SEC22C: variants seen among roughly 807,000 people sequenced by gnomAD.
SEC22C encodes SEC22 homolog C, vesicle trafficking protein.
Under a neutral mutation model 34.7 loss-of-function variants are expected in SEC22C, and 29 were observed. The observed-to-expected ratio is 0.84, with a 90% CI of 0.62 to 1.14. The LOEUF is 1.14. Among genes scored for constraint, SEC22C ranks in the 50% most tolerant of loss-of-function variants. The probability of loss-of-function intolerance (pLI) is 0.00; values close to 1 mark genes in which losing one functional copy is unlikely to be tolerated. For synonymous variants in SEC22C, 117 were observed against 132.8 expected (o/e 0.88, Z 0.82); for missense variants, 337 against 369.0 (o/e 0.91, Z 0.71).
intron 4 of SEC22C, among the ~76,000 whole-genome samples, chr3:42,558,148 A>G (rs1702647768): frequency 6.6e-6 from 1 of 152,188 alleles, no homozygotes; most frequent in Non-Finnish European, 1.5e-5. Context: ...TCCAAAATAA[A>G]GAATTATCTG....
chr3:42,595,143 TATC>T (rs1429652352), intron 1 of SEC22C: 2 of 152,258 alleles, frequency 1.3e-5, no homozygotes, highest in South Asian at 2.1e-4. Flanking sequence ...TATTATCTAA[TATC>T]ATCTGATAAT....
At chr3:42,577,926 C>T (rs550490034) in intron 1 of SEC22C, among the ~76,000 whole-genome samples, 85 of 151,778 alleles carry the variant, frequency 5.6e-4, no homozygotes, top group African/African-American at 2.0e-3. Context: ...GCCAAGACTG[C>T]ACCATTGCAC....
chr3:42,565,939 A>G, intron 2 of SEC22C: 1 of 453,276 alleles, frequency 2.2e-6, no homozygotes, highest in South Asian at 1.6e-5. Flanking sequence ...TATTTAATTC[A>G]AAATTACAAA....
chr3:42,560,213 C>A (rs1354267863), intron 4 of SEC22C, among the ~76,000 whole-genome samples: 1 of 139,234 alleles, frequency 7.2e-6, no homozygotes, highest in Non-Finnish European at 1.5e-5. Flanking sequence ...ATATATAATA[C>A]CAATCTATAC....
intron 4 of SEC22C, among the ~76,000 whole-genome samples, chr3:42,560,093 G>A (rs1702785153): frequency 2.4e-5 from 3 of 125,592 alleles, no homozygotes; most frequent in African/African-American, 6.8e-5. Context: ...AAGATGATAA[G>A]GATTCTCTCT....
At chr3:42,574,636 A>G (rs1410729427) in intron 1 of SEC22C, among the ~76,000 whole-genome samples, 5 of 152,192 alleles carry the variant, frequency 3.3e-5, no homozygotes, top group African/African-American at 1.2e-4. Context: ...GGAACTATTT[A>G]AGACAATTAT....
chr3:42,556,728 G>GT (rs1702548362), intron 5 of SEC22C, among the ~76,000 whole-genome samples: 1 of 151,824 alleles, frequency 6.6e-6, no homozygotes, highest in African/African-American at 2.4e-5. Flanking sequence ...TTTTGTTTTT[G>GT]TTTTCTTTTT....
intron 1 of SEC22C, among the ~76,000 whole-genome samples, chr3:42,597,005 C>T (rs1351916545): frequency 6.6e-6 from 1 of 152,216 alleles, no homozygotes; most frequent in Admixed American, 6.5e-5. Flanking sequence ...CCATCCTTTC[C>T]TTTCATGAAT....
chr3:42,589,427 G>C (rs913098045), intron 1 of SEC22C, among the ~76,000 whole-genome samples: 1 of 152,170 alleles, frequency 6.6e-6, no homozygotes, highest in Non-Finnish European at 1.5e-5. Context: ...TTTTAGGAGT[G>C]TAGGTTCCCA....
chr3:42,549,456 C>A lies in SEC22C; in HGVS notation c.*3792G>T. The A allele has an allele frequency of 1.0e-6, 1 of 985,870 alleles. No homozygotes were observed. The highest frequency in any genetic ancestry group is 1.2e-6 in the Non-Finnish European group (1 of 830,296). The allele number at this position is 985,870 out of a possible 1,614,324, so 61.1% of individuals were successfully genotyped here. A position where few individuals can be genotyped will look rare whatever the true frequency, so the allele number is the denominator to read the frequency against. ...TGCTATCTTCCAGCAGAGAGAGAAC[C>A]CCCAGCTCTGCTCCCTACCTATGCC... On this transcript the variant is annotated 3_prime_UTR_variant, in exon 7 of 7. Coordinates refer to ENST00000264454, the MANE Select transcript of SEC22C (RefSeq NM_032970.4).
chr3:42,555,409 C>CA (rs1702475149), intron 6 of SEC22C, among the ~76,000 whole-genome samples: 1 of 152,100 alleles, frequency 6.6e-6, no homozygotes, highest in Admixed American at 6.5e-5. Context: ...TGGTTGGTCT[C>CA]AAACTCCAGG....
chr3:42,560,723 C>T lies in SEC22C; in HGVS notation c.526+394G>A, dbSNP rs1480208659. 3.9e-5 allele frequency among the ~76,000 whole-genome samples: 6 copies of T among 152,002 alleles called. No individual in the cohort carries two copies. In the East Asian group the frequency reaches 1.2e-3, roughly 29 times the overall value. ...TCACAATCATGGCTCGCTGCAGCCT[C>T]GACTTCCCGGGCTCAGGTGATTCCC... On this transcript the variant is annotated intron_variant, in intron 4 of 6. Coordinates refer to ENST00000264454, the MANE Select transcript of SEC22C (RefSeq NM_032970.4).
intron 1 of SEC22C, 43 bp from the exon 2 acceptor site, chr3:42,569,116 A>ACCCC: frequency 7.4e-7 from 1 of 1,345,778 alleles, no homozygotes; most frequent in East Asian, 2.4e-5. Context: ...CTCAAATGAC[A>ACCCC]GTGCCAGAAA....
In SEC22C at chr3:42,561,309, A is replaced by G; in HGVS notation, c.347-13T>C. On this transcript the variant is annotated splice_polypyrimidine_tract_variant and intron_variant, in intron 3 of 6. Transcript: ENST00000264454. ...TGAATGATGCTGTCTGCAAAAAGAG[A>G]GCAACACAAGTTAAGCATTTTCATC... The G allele has an allele frequency of 6.2e-7, 1 of 1,613,116 alleles. No homozygotes were observed. The highest frequency in any genetic ancestry group is 8.5e-7 in the Non-Finnish European group (1 of 1,179,052).
upstream of SEC22C, among the ~76,000 whole-genome samples, chr3:42,582,883 G>C (rs1488638593): frequency 1.3e-5 from 2 of 152,234 alleles, no homozygotes; most frequent in African/African-American, 4.8e-5. Context: ...TGGAAAGTTA[G>C]TGCTTAATAG....
chr3:42,596,168 T>C (rs1396874001), intron 1 of SEC22C, among the ~76,000 whole-genome samples: 1 of 151,980 alleles, frequency 6.6e-6, no homozygotes, highest in East Asian at 1.9e-4. Flanking sequence ...ATTACAGGCA[T>C]GTGGCACCAT....
At chr3:42,590,660 A>T (rs1161754143) in intron 1 of SEC22C, 2 of 596,060 alleles carry the variant, frequency 3.4e-6, no homozygotes, top group Non-Finnish European at 3.0e-6. Context: ...ACCCAGCCCC[A>T]ACCCACAAGT....
chr3:42,568,544 G>A (rs1339522117), intron 2 of SEC22C, among the ~76,000 whole-genome samples: 1 of 151,964 alleles, frequency 6.6e-6, no homozygotes, highest in Non-Finnish European at 1.5e-5. Flanking sequence ...TACTCAGGAG[G>A]CTGAGGCACG....
rs1464870448 is a variant in SEC22C at position 42,550,840 on chromosome 3, C to G, written c.*2408G>C. The G allele has an allele frequency of 1.2e-5, 12 of 978,340 alleles. No individual in the cohort carries two copies. Among genetic ancestry groups the G allele is most frequent in the Non-Finnish European group, 1.5e-5 (12 of 825,612 alleles). The allele number at this position is 978,340 out of a possible 1,614,324, so 60.6% of individuals were successfully genotyped here. On this transcript the variant is annotated 3_prime_UTR_variant, in exon 7 of 7. Coordinates refer to ENST00000264454, the MANE Select transcript of SEC22C (RefSeq NM_032970.4). Reference sequence around the variant, plus strand: ...CCCAATGCCACATAGGAAAAGAAAACAGTCCATTTTTAAGCCGTTCTTACC... The same window carrying G: ...CCCAATGCCACATAGGAAAAGAAAAGAGTCCATTTTTAAGCCGTTCTTACC...
Sources: gnomAD v4.1 joint callset for allele counts (sites outside exome capture counted in the v4.1 genomes callset) on GRCh38, gnomAD v4.1.1 for gene constraint, MANE v1.5 for transcripts, NCBI Gene and HGNC (gene_info 2026-07-23, HGNC 2026-07-21) for gene names.